Variants in TMCC1 observed in about 807,000 individuals in gnomAD.
The protein encoded by TMCC1 is transmembrane and coiled-coil domains protein 1.
Under a neutral mutation model 52.4 loss-of-function variants are expected in TMCC1, and 15 were observed. The observed-to-expected ratio is 0.29, with a 90% CI of 0.19 to 0.44. The LOEUF (loss-of-function observed/expected upper bound fraction) is 0.44. Ranked by LOEUF, TMCC1 falls within the 20% of genes least tolerant of loss-of-function variation. The pLI is 1.00. For synonymous variants in TMCC1, 279 were observed against 301.9 expected, an observed-to-expected ratio of 0.92 and a Z score of 0.79; for missense variants, 503 against 806.0, an observed-to-expected ratio of 0.62 and a Z score of 4.55.
At chr3:129,769,628 C>T (rs941067232) in intron 4 of TMCC1, among the ~76,000 whole-genome samples, 11 of 150,960 alleles carry the variant, frequency 7.3e-5, no homozygotes, top group African/African-American at 2.4e-4. Context: ...TCTTCTTCTT[C>T]CAATGTGGTG....
intron 4 of TMCC1, among the ~76,000 whole-genome samples, chr3:129,747,759 C>T (rs2052108983): frequency 1.3e-5 from 2 of 152,124 alleles, no homozygotes; most frequent in Admixed American, 1.3e-4. Flanking sequence ...CAACATGAAT[C>T]CGACCCCTTA....
At chr3:129,885,194 A>C (rs578219960) in intron 1 of TMCC1, among the ~76,000 whole-genome samples, 1 of 152,188 alleles carries the variant, frequency 6.6e-6, no homozygotes, top group South Asian at 2.1e-4. Flanking sequence ...GTTTTCAAGA[A>C]ATCTGAAAAA....
At chr3:129,755,385 T>C (rs546856227) in intron 4 of TMCC1, among the ~76,000 whole-genome samples, 1 of 152,242 alleles carries the variant, frequency 6.6e-6, no homozygotes, top group South Asian at 2.1e-4. Flanking sequence ...ATTGGTGAGT[T>C]AGATTTCATT....
At chr3:129,782,071 A>C (rs1213612506) in intron 4 of TMCC1, among the ~76,000 whole-genome samples, 5 of 152,172 alleles carry the variant, frequency 3.3e-5, no homozygotes, top group Non-Finnish European at 7.4e-5. Context: ...CCAAAAGCTT[A>C]GTTTTGGATA....
At chr3:129,841,122 T>G (rs1421465345) in intron 2 of TMCC1, among the ~76,000 whole-genome samples, 1 of 152,194 alleles carries the variant, frequency 6.6e-6, no homozygotes, top group East Asian at 1.9e-4. Context: ...AAACTTATTG[T>G]GAACTGGAGC....
chr3:129,713,025 G>T (rs2048818263), intron 4 of TMCC1, among the ~76,000 whole-genome samples: 1 of 152,134 alleles, frequency 6.6e-6, no homozygotes, highest in Non-Finnish European at 1.5e-5. Context: ...ACTTTGGGGT[G>T]CCAAGGCGGG....
intron 4 of TMCC1, among the ~76,000 whole-genome samples, chr3:129,796,561 T>G (rs1432837613): frequency 1.3e-5 from 2 of 152,174 alleles, no homozygotes; most frequent in Non-Finnish European, 2.9e-5. Context: ...GGCTCATACC[T>G]GTAATCCCAA....
intron 6 of TMCC1, among the ~76,000 whole-genome samples, chr3:129,652,547 T>C (rs764783042): frequency 5.3e-5 from 8 of 152,136 alleles, no homozygotes; most frequent in Non-Finnish European, 4.4e-5. Flanking sequence ...AAACAAGACC[T>C]AAGGCCATGC....
At chr3:129,674,070 A>G (rs528958105) in intron 4 of TMCC1, among the ~76,000 whole-genome samples, 7 of 152,370 alleles carry the variant, frequency 4.6e-5, no homozygotes, top group African/African-American at 1.4e-4. Flanking sequence ...ACAATAGGCT[A>G]TACCACATAG....
chr3:129,874,031 T>C (rs2061063513), intron 2 of TMCC1, among the ~76,000 whole-genome samples: 1 of 152,148 alleles, frequency 6.6e-6, no homozygotes, highest in Non-Finnish European at 1.5e-5. Flanking sequence ...TATGTACATA[T>C]ATACACAAAT....
intron 2 of TMCC1, chr3:129,857,328 C>T (rs1212548648): frequency 6.6e-6 from 1 of 152,224 alleles, no homozygotes; most frequent in Non-Finnish European, 1.5e-5. Context: ...GCAGACTGGA[C>T]AAGACATCCA....
intron 2 of TMCC1, among the ~76,000 whole-genome samples, chr3:129,877,666 T>C (rs368881912): frequency 1.3e-5 from 2 of 148,310 alleles, no homozygotes; most frequent in African/African-American, 5.0e-5. Flanking sequence ...TCTCACTCTA[T>C]GACCCAGGCT....
chr3:129,743,578 T>C (rs2051654336), intron 4 of TMCC1, among the ~76,000 whole-genome samples: 1 of 152,178 alleles, frequency 6.6e-6, no homozygotes, highest in Admixed American at 6.5e-5. Context: ...AATGGCACCA[T>C]GGAATATGCA....
chr3:129,656,607 CCA>C (rs1247191842), intron 5 of TMCC1: 15 of 152,166 alleles, frequency 9.9e-5, no homozygotes, highest in Non-Finnish European at 5.9e-5. Context: ...ATCCTAAACT[CCA>C]CTGCTTTTCT....
chr3:129,792,873 C>T (rs145373572), intron 4 of TMCC1, among the ~76,000 whole-genome samples: 42 of 152,190 alleles, frequency 2.8e-4, no homozygotes, highest in African/African-American at 9.2e-4. Flanking sequence ...CAAAAGTGTA[C>T]TTTTTGTAAA....
chr3:129,657,034 G>C (rs578118731), intron 5 of TMCC1, among the ~76,000 whole-genome samples: 3 of 152,254 alleles, frequency 2.0e-5, no homozygotes. Context: ...TTACCAGAGA[G>C]GGGCCAGAGA....
chr3:129,691,220 T>C (rs1451538208), intron 4 of TMCC1, among the ~76,000 whole-genome samples: 2 of 152,222 alleles, frequency 1.3e-5, no homozygotes, highest in Admixed American at 6.5e-5. Context: ...TTGTCAGACT[T>C]TTCTGTCCAT....
intron 4 of TMCC1, among the ~76,000 whole-genome samples, chr3:129,785,586 A>C (rs112790677): frequency 7.8e-4 from 100 of 128,330 alleles, no homozygotes; most frequent in African/African-American, 3.0e-3. Flanking sequence ...CACACACACA[A>C]ACACACACAC....
rs1020470296 is a variant in TMCC1 at position 129,648,471 on chromosome 3, G to A, written c.*3010C>T. 3.3e-5 allele frequency: 5 copies of A among 152,144 alleles called. No homozygotes were observed. The highest frequency in any genetic ancestry group is 1.2e-4 in the African/African-American group (5 of 41,426). 9.4% of individuals were successfully genotyped at this position (152,144 alleles called of 1,614,324 possible). ...TTGCTTCTTAAGGAGCCAGTAGAGT[G>A]GAAAGCCTTCCTTACTAGGACATAC... is the stretch of plus-strand genomic sequence containing the variant. On this transcript the variant is annotated 3_prime_UTR_variant, in exon 7 of 7. Coordinates refer to ENST00000393238, the MANE Select transcript of TMCC1 (RefSeq NM_001017395.5).
Sources: allele counts gnomAD v4.1 joint callset (sites outside exome capture counted in the v4.1 genomes callset), GRCh38; gene constraint gnomAD v4.1.1; transcripts MANE v1.5; gene names NCBI Gene and HGNC (gene_info 2026-07-23, HGNC 2026-07-21).